Variants in PDE4D observed in about 807,000 individuals in gnomAD.
PDE4D encodes 3',5'-cyclic-AMP phosphodiesterase 4D.
PDE4D carries 24 observed loss-of-function variants against 87.4 expected under a neutral mutation model. That is an observed-to-expected ratio of 0.27 (90% CI 0.20 to 0.39). The LOEUF is 0.39. PDE4D is among the 10% of genes least tolerant of loss of function. PDE4D has a pLI of 1.00. For missense variants in PDE4D, 714 were observed against 1,041.0 expected (o/e 0.69, Z 4.32); for synonymous variants, 384 against 383.2 (o/e 1.00, Z -0.02).
At chr5:59,408,862 G>A (rs1323896623) in intron 1 of PDE4D, among the ~76,000 whole-genome samples, 1 of 152,080 alleles carries the variant, frequency 6.6e-6, no homozygotes, top group African/African-American at 2.4e-5. Flanking sequence ...GAATGGAAAT[G>A]TTGGCCAGGC....
intron 1 of PDE4D, among the ~76,000 whole-genome samples, chr5:60,434,660 T>A (rs1474257714): frequency 6.6e-6 from 1 of 152,146 alleles, no homozygotes; most frequent in Non-Finnish European, 1.5e-5. Flanking sequence ...ACAAAGCTCA[T>A]AGGCATCCTA....
intron 3 of PDE4D, among the ~76,000 whole-genome samples, chr5:59,936,104 C>A (rs1163025523): frequency 6.6e-6 from 1 of 151,944 alleles, no homozygotes; most frequent in Non-Finnish European, 1.5e-5. Flanking sequence ...AGCAAACTAT[C>A]GCAAGGACAA....
chr5:60,008,184 C>T (rs900043980), intron 2 of PDE4D, among the ~76,000 whole-genome samples: 1 of 151,926 alleles, frequency 6.6e-6, no homozygotes, highest in Non-Finnish European at 1.5e-5. Context: ...ATATTTATAT[C>T]TCTCCAACCC....
intron 1 of PDE4D, among the ~76,000 whole-genome samples, chr5:60,252,626 A>C (rs1234974146): frequency 6.6e-6 from 1 of 151,796 alleles, no homozygotes; most frequent in Non-Finnish European, 1.5e-5. Context: ...GAAATGAAGG[A>C]TGCTACACCA....
At chr5:59,025,554 G>A (rs1231049379) in intron 6 of PDE4D, among the ~76,000 whole-genome samples, 1 of 151,900 alleles carries the variant, frequency 6.6e-6, no homozygotes, top group African/African-American at 2.4e-5. Context: ...TTCTCTATTG[G>A]GTTTGGATTG....
chr5:59,085,664 C>G (rs1006057814), intron 5 of PDE4D, among the ~76,000 whole-genome samples: 4 of 152,080 alleles, frequency 2.6e-5, no homozygotes, highest in Non-Finnish European at 4.4e-5. Flanking sequence ...TGTGCGGATA[C>G]CCTGGAGATG....
chr5:59,950,806 T>C (rs1327483927), intron 3 of PDE4D, among the ~76,000 whole-genome samples: 1 of 152,112 alleles, frequency 6.6e-6, no homozygotes, highest in Non-Finnish European at 1.5e-5. Context: ...TTTTTCCTCG[T>C]TTTATTTCTG....
chr5:59,085,217 T>A (rs1269232004), intron 5 of PDE4D, among the ~76,000 whole-genome samples: 1 of 152,162 alleles, frequency 6.6e-6, no homozygotes, highest in East Asian at 1.9e-4. Flanking sequence ...GGAAATGCCA[T>A]TAAAATGTTA....
In PDE4D at chr5:59,246,609, C is replaced by T. The variant is rs531154315; in HGVS notation, c.456-30641G>A. On this transcript the variant is annotated intron_variant, in intron 1 of 14. Transcript: ENST00000340635. ...CTCTGTTAATCTTATGCGATACTTT[C>T]AACTATGATGACTAATAGTTCTATA... Among the ~76,000 whole-genome samples, 7 of 152,252 alleles carry T rather than the reference C, an allele frequency of 4.6e-5. No individual in the cohort carries two copies. The East Asian group carries it at 9.7e-4, about 21-fold the overall frequency.
At chr5:59,110,606 TCATGCCTGTAATCC>T (rs1351999310) in intron 5 of PDE4D, among the ~76,000 whole-genome samples, 1 of 152,196 alleles carries the variant, frequency 6.6e-6, no homozygotes, top group Non-Finnish European at 1.5e-5. Context: ...GCACCGTGGC[TCATGCCTGTAATCC>T]CAGCATTTTG....
chr5:59,627,585 T>G (rs1831043788), intron 1 of PDE4D, among the ~76,000 whole-genome samples: 1 of 152,174 alleles, frequency 6.6e-6, no homozygotes, highest in Admixed American at 6.5e-5. Flanking sequence ...AATGCCTCCT[T>G]TAGGGGTGTG....
At chr5:60,424,058 C>G (rs1743405807) in intron 1 of PDE4D, among the ~76,000 whole-genome samples, 1 of 152,072 alleles carries the variant, frequency 6.6e-6, no homozygotes, top group Admixed American at 6.5e-5. Context: ...GCCTACCAAC[C>G]AAAAAAAGTC....
intron 1 of PDE4D, among the ~76,000 whole-genome samples, chr5:59,464,694 A>G (rs1191068928): frequency 6.6e-6 from 1 of 151,828 alleles, no homozygotes; most frequent in African/African-American, 2.4e-5. Flanking sequence ...TTCTTTTCCA[A>G]GTCTCTCGTT....
chr5:59,685,685 A>G (rs1749741452), intron 1 of PDE4D, among the ~76,000 whole-genome samples: 1 of 152,132 alleles, frequency 6.6e-6, no homozygotes, highest in African/African-American at 2.4e-5. Context: ...TAAATCTTCA[A>G]TTATTTAACA....
At chr5:59,155,244 G>A (rs890159719) in intron 5 of PDE4D, among the ~76,000 whole-genome samples, 1 of 152,182 alleles carries the variant, frequency 6.6e-6, no homozygotes, top group African/African-American at 2.4e-5. Flanking sequence ...TCACATTTAA[G>A]AGGTAAAGTG....
chr5:60,041,707 A>T (rs1430431994), intron 2 of PDE4D, among the ~76,000 whole-genome samples: 1 of 151,816 alleles, frequency 6.6e-6, no homozygotes, highest in Admixed American at 6.6e-5. Flanking sequence ...GGGTTGGGGA[A>T]CTCCCTCCTC....
chr5:59,428,026 T>A (rs192734910), intron 1 of PDE4D, among the ~76,000 whole-genome samples: 4 of 152,162 alleles, frequency 2.6e-5, no homozygotes, highest in Non-Finnish European at 5.9e-5. Flanking sequence ...CTCGTCAACA[T>A]TGAGTTTACT....
intron 1 of PDE4D, among the ~76,000 whole-genome samples, chr5:59,733,060 T>C (rs1280291368): frequency 1.3e-5 from 2 of 152,120 alleles, no homozygotes; most frequent in Non-Finnish European, 2.9e-5. Context: ...AATAAGACAC[T>C]GTCCTTGTTT....
In PDE4D at chr5:60,455,409, A is replaced by G. The variant is rs867100923; in HGVS notation, c.-90+32533T>C. Among the ~76,000 whole-genome samples the G allele has an allele frequency of 6.6e-5, 10 of 152,240 alleles. 1 individual carries two copies. In the East Asian group the frequency reaches 1.2e-3, roughly 18 times the overall value. ...AGAGAGAGAAGAAGGAAAATGAGAG[A>G]CAGAGGAAGGCTCTATTTTAAAATG... On this transcript the variant is annotated intron_variant, in intron 1 of 16. Coordinates refer to the PDE4D transcript ENST00000502484.
Sources: allele counts gnomAD v4.1 joint callset (sites outside exome capture counted in the v4.1 genomes callset), GRCh38; gene constraint gnomAD v4.1.1; transcripts MANE v1.5; gene names NCBI Gene and HGNC (gene_info 2026-07-23, HGNC 2026-07-21).